Variants in EPHA4 observed in about 807,000 individuals in gnomAD.
EPHA4 encodes the protein EPH receptor A4, also known as ephrin type-A receptor 4.
EPHA4 carries 19 observed loss-of-function variants against 108.3 expected under a neutral mutation model. The observed-to-expected ratio is 0.18, with a 90% CI of 0.12 to 0.26. The LOEUF is 0.26. Among genes scored for constraint, EPHA4 ranks in the 10% least tolerant of loss-of-function variants. EPHA4 has a pLI of 1.00. For synonymous variants in EPHA4, 449 were observed against 455.5 expected, an observed-to-expected ratio of 0.99 and a Z score of 0.18; for missense variants, 917 against 1,254.0, an observed-to-expected ratio of 0.73 and a Z score of 4.06.
chr2:221,522,556 G>A (rs1006775699), intron 3 of EPHA4, among the ~76,000 whole-genome samples: 4 of 152,058 alleles, frequency 2.6e-5, no homozygotes, highest in East Asian at 1.9e-4. Flanking sequence ...CTCTGAAACC[G>A]AACTGGCTTA....
At chr2:221,451,178 C>T (rs1024046264) in intron 8 of EPHA4, among the ~76,000 whole-genome samples, 5 of 152,178 alleles carry the variant, frequency 3.3e-5, no homozygotes, top group Non-Finnish European at 2.9e-5. Context: ...TGAGTTATTG[C>T]ATGCCAGCCT....
rs10188345 is a variant in EPHA4 at position 221,533,251 on chromosome 2, T to C, written c.823+30480A>G. 3.1e-3 allele frequency among the ~76,000 whole-genome samples: 477 copies of C among 152,284 alleles called. 2 individuals are homozygous for C. Among genetic ancestry groups the C allele is most frequent in the African/African-American group, 0.011 (461 of 41,548 alleles). On this transcript the variant is annotated intron_variant, in intron 3 of 17. Coordinates refer to ENST00000281821, the MANE Select transcript of EPHA4 (RefSeq NM_004438.5). ...AGGCAGCCCCATAGCTCCAAAAACT[T>C]TTTTGTTGTTGTTGATCAAAATGTG...
At chr2:221,456,188 C>T (rs935721714) in intron 7 of EPHA4, among the ~76,000 whole-genome samples, 4 of 148,302 alleles carry the variant, frequency 2.7e-5, no homozygotes, top group African/African-American at 9.9e-5. Flanking sequence ...AAAAAAAAAG[C>T]TTATGTAACT....
At chr2:221,465,250 T>G (rs145645502) in intron 5 of EPHA4, among the ~76,000 whole-genome samples, 3 of 152,166 alleles carry the variant, frequency 2.0e-5, no homozygotes, top group Non-Finnish European at 2.9e-5. Flanking sequence ...AGTAAGACTT[T>G]GCAAAGTCTG....
intron 4 of EPHA4, 23 bp from the exon 5 acceptor site, chr2:221,482,713 T>A (rs1214772693): frequency 6.4e-7 from 1 of 1,560,816 alleles, no homozygotes; most frequent in East Asian, 2.3e-5. Context: ...AACCACATCA[T>A]CACACCAAGA....
Position 221,443,490 on chromosome 2 carries a change from T to A in EPHA4, c.1888+3A>T. 9 of 1,609,722 alleles carry A rather than the reference T, an allele frequency of 5.6e-6. No homozygotes were observed. The highest frequency in any genetic ancestry group is 7.7e-6 in the Non-Finnish European group (9 of 1,176,200). On this transcript the variant is annotated splice_donor_region_variant and intron_variant, in intron 10 of 17. Coordinates refer to ENST00000281821, the MANE Select transcript of EPHA4 (RefSeq NM_004438.5). ...ATTAGCAGACGGACACTCAGACACT[T>A]ACCAACTCCTATAACTTTTTCAATC...
intron 8 of EPHA4, among the ~76,000 whole-genome samples, chr2:221,451,655 G>C (rs906866336): frequency 6.6e-6 from 1 of 152,140 alleles, no homozygotes; most frequent in Non-Finnish European, 1.5e-5. Context: ...GCTCTGGAAA[G>C]CTGAAAGAAT....
At chr2:221,446,503 T>C (rs1690597861) in intron 8 of EPHA4, among the ~76,000 whole-genome samples, 1 of 152,146 alleles carries the variant, frequency 6.6e-6, no homozygotes, top group Non-Finnish European at 1.5e-5. Context: ...GATAAGTTTA[T>C]TGGCTATTTT....
chr2:221,490,892 C>T (rs1692122364), intron 4 of EPHA4, among the ~76,000 whole-genome samples: 2 of 152,168 alleles, frequency 1.3e-5, no homozygotes, highest in Non-Finnish European at 1.5e-5. Flanking sequence ...AAAGACATCC[C>T]TCCTGACATA....
At chr2:221,542,405 A>G (rs1300971456) in intron 3 of EPHA4, among the ~76,000 whole-genome samples, 2 of 152,184 alleles carry the variant, frequency 1.3e-5, no homozygotes, top group African/African-American at 4.8e-5. Flanking sequence ...AGGTCACAGA[A>G]ACAATTGATT....
At chr2:221,523,911 T>C (rs1414073655) in intron 3 of EPHA4, among the ~76,000 whole-genome samples, 1 of 152,180 alleles carries the variant, frequency 6.6e-6, no homozygotes, top group South Asian at 2.1e-4. Flanking sequence ...TTTGAGCACC[T>C]GGTATGTCCT....
chr2:221,433,089 G>T (rs193162238), intron 14 of EPHA4, among the ~76,000 whole-genome samples: 1 of 152,040 alleles, frequency 6.6e-6, no homozygotes, highest in Non-Finnish European at 1.5e-5. Context: ...CTCCCAAAGT[G>T]CTGGGATTAC....
At chr2:221,462,238 C>T (rs1036987717) in intron 5 of EPHA4, among the ~76,000 whole-genome samples, 3 of 152,040 alleles carry the variant, frequency 2.0e-5, no homozygotes, top group African/African-American at 7.2e-5. Flanking sequence ...AAGGCAAGCA[C>T]TCCTAAAGGG....
chr2:221,543,620 T>G (rs1693901321), intron 3 of EPHA4, among the ~76,000 whole-genome samples: 1 of 152,242 alleles, frequency 6.6e-6, no homozygotes, highest in Non-Finnish European at 1.5e-5. Context: ...TATGCTGTAC[T>G]TAGCAGCTAC....
intron 8 of EPHA4, among the ~76,000 whole-genome samples, chr2:221,448,714 T>TCAGAGCTC (rs1171963448): frequency 2.0e-5 from 3 of 152,188 alleles, no homozygotes; most frequent in Non-Finnish European, 4.4e-5. Flanking sequence ...AAAAGCATTA[T>TCAGAGCTC]CTAAAATTAC....
chr2:221,505,714 G>A (rs997414306), intron 3 of EPHA4, among the ~76,000 whole-genome samples: 2 of 152,176 alleles, frequency 1.3e-5, no homozygotes, highest in Non-Finnish European at 2.9e-5. Context: ...TGCTCTAGAA[G>A]CTAGAGTATT....
At chr2:221,491,698 G>T (rs529476357) in intron 4 of EPHA4, among the ~76,000 whole-genome samples, 3 of 151,970 alleles carry the variant, frequency 2.0e-5, no homozygotes, top group Non-Finnish European at 4.4e-5. Flanking sequence ...ATTTTCATGG[G>T]GATTATCTTT....
At chr2:221,515,932 C>G (rs561010029) in intron 3 of EPHA4, among the ~76,000 whole-genome samples, 2 of 138,628 alleles carry the variant, frequency 1.4e-5, no homozygotes, top group East Asian at 4.2e-4. Flanking sequence ...GAGGCAGGAT[C>G]ATTTCTAAAG....
At chr2:221,450,673 CCACTT>C (rs1690753453) in intron 8 of EPHA4, among the ~76,000 whole-genome samples, 1 of 152,070 alleles carries the variant, frequency 6.6e-6, no homozygotes, top group African/African-American at 2.4e-5. Context: ...TTTGCCATAA[CCACTT>C]CATTTTTTTC....
Sources: allele counts gnomAD v4.1 joint callset (sites outside exome capture counted in the v4.1 genomes callset), GRCh38; gene constraint gnomAD v4.1.1; transcripts MANE v1.5; gene names NCBI Gene and HGNC (gene_info 2026-07-23, HGNC 2026-07-21).